Variants in LRMDA observed in about 807,000 individuals in gnomAD.
LRMDA encodes the protein leucine-rich melanocyte differentiation-associated protein.
Under a neutral mutation model 29.8 loss-of-function variants are expected in LRMDA, and 18 were observed. The observed-to-expected ratio is 0.60, with a 90% CI of 0.42 to 0.90. LRMDA has a LOEUF of 0.90. Ranked by LOEUF, LRMDA falls within the 40% of genes least tolerant of loss-of-function variation. LRMDA has a pLI of 0.00. For synonymous variants in LRMDA, 125 were observed against 109.4 expected (o/e 1.14, Z -0.89); for missense variants, 273 against 273.9 (o/e 1.00, Z 0.02).
intron 2 of LRMDA, among the ~76,000 whole-genome samples, chr10:75,807,422 A>C (rs1843873983): frequency 6.6e-6 from 1 of 152,218 alleles, no homozygotes; most frequent in Non-Finnish European, 1.5e-5. Context: ...AAAGGGTCTA[A>C]AATTCAGTGC....
intron 5 of LRMDA, among the ~76,000 whole-genome samples, chr10:76,117,610 A>G (rs1485126655): frequency 6.6e-6 from 1 of 152,246 alleles, no homozygotes; most frequent in Non-Finnish European, 1.5e-5. Context: ...GTGCTCCAAA[A>G]ACAGTCACTT....
At chr10:75,669,085 C>T (rs1841860251) in intron 2 of LRMDA, among the ~76,000 whole-genome samples, 1 of 152,208 alleles carries the variant, frequency 6.6e-6, no homozygotes, top group African/African-American at 2.4e-5. Context: ...CAGCTACCAG[C>T]ATTTTCCTCT....
At chr10:76,375,466 C>T (rs1841505010) in intron 6 of LRMDA, among the ~76,000 whole-genome samples, 1 of 152,172 alleles carries the variant, frequency 6.6e-6, no homozygotes, top group African/African-American at 2.4e-5. Context: ...AACCATTTTA[C>T]CTGCCAAAGA....
chr10:76,269,210 C>G (rs952663438), intron 5 of LRMDA, among the ~76,000 whole-genome samples: 7 of 152,040 alleles, frequency 4.6e-5, no homozygotes, highest in African/African-American at 1.7e-4. Context: ...GGTTATTATG[C>G]CAGCAATTCA....
At chr10:76,363,164 AGAAAGAAAGAAAG>A (rs1294041717) in intron 6 of LRMDA, among the ~76,000 whole-genome samples, 16 of 34,194 alleles carry the variant, frequency 4.7e-4, no homozygotes, top group African/African-American at 1.2e-3. Flanking sequence ...AAAGAAAGAA[AGAAAGAAAGAAAG>A]GAGGGAGGGA....
At chr10:75,764,882 A>G (rs1171502801) in intron 2 of LRMDA, among the ~76,000 whole-genome samples, 2 of 151,602 alleles carry the variant, frequency 1.3e-5, no homozygotes, top group African/African-American at 2.4e-5. Flanking sequence ...GGATCCTTCA[A>G]GGGTCCGGCT....
At chr10:76,238,558 G>A (rs1228518950) in intron 5 of LRMDA, among the ~76,000 whole-genome samples, 1 of 149,208 alleles carries the variant, frequency 6.7e-6, no homozygotes, top group Non-Finnish European at 1.5e-5. Flanking sequence ...TGTCCCATGT[G>A]GGCATGCAGG....
intron 2 of LRMDA, among the ~76,000 whole-genome samples, chr10:75,989,268 G>A (rs535882823): frequency 6.6e-6 from 1 of 152,354 alleles, no homozygotes; most frequent in East Asian, 1.9e-4. Context: ...AATTTATAAA[G>A]AGGATTAATG....
intron 2 of LRMDA, among the ~76,000 whole-genome samples, chr10:76,005,946 A>C (rs1847645387): frequency 6.6e-6 from 1 of 151,824 alleles, no homozygotes; most frequent in Non-Finnish European, 1.5e-5. Context: ...TAAATAAATA[A>C]ATAAATAAAT....
chr10:76,180,704 C>T (rs767068915), intron 5 of LRMDA, among the ~76,000 whole-genome samples: 4 of 152,134 alleles, frequency 2.6e-5, no homozygotes, highest in East Asian at 1.9e-4. Flanking sequence ...TCCCCTTTAC[C>T]CCTGGTTCCA....
At chr10:76,082,528 T>C (rs1282654155) in intron 5 of LRMDA, among the ~76,000 whole-genome samples, 1 of 152,080 alleles carries the variant, frequency 6.6e-6, no homozygotes, top group African/African-American at 2.4e-5. Context: ...CCATTAGATG[T>C]TTATTGCTCA....
chr10:76,332,807 C>T (rs1399845058), intron 6 of LRMDA, among the ~76,000 whole-genome samples: 1 of 152,120 alleles, frequency 6.6e-6, no homozygotes, highest in Non-Finnish European at 1.5e-5. Context: ...TCATTTAGTA[C>T]CTATTGTGTA....
intron 2 of LRMDA, among the ~76,000 whole-genome samples, chr10:75,884,271 GT>G (rs1564596294): frequency 0.016 from 2,474 of 150,302 alleles, 78 homozygotes; most frequent in African/African-American, 0.057. Context: ...GTGTGTGTGT[GT>G]GTGTGTGTGT....
chr10:76,252,964 G>T (rs113887483), intron 5 of LRMDA, among the ~76,000 whole-genome samples: 2 of 152,148 alleles, frequency 1.3e-5, no homozygotes, highest in East Asian at 1.9e-4. Flanking sequence ...ATTTCATCCC[G>T]CATCCCACCC....
intron 2 of LRMDA, among the ~76,000 whole-genome samples, chr10:75,728,139 A>G (rs1475491124): frequency 1.3e-5 from 2 of 152,238 alleles, no homozygotes; most frequent in African/African-American, 4.8e-5. Flanking sequence ...GAAGACACAC[A>G]GCCAGCCATC....
chr10:76,168,127 TA>T, intron 5 of LRMDA, among the ~76,000 whole-genome samples: 1 of 152,300 alleles, frequency 6.6e-6, no homozygotes, highest in South Asian at 2.1e-4. Flanking sequence ...AATTATACAT[TA>T]AGCCCTGAGC....
intron 2 of LRMDA, among the ~76,000 whole-genome samples, chr10:75,589,004 A>G (rs1289344968): frequency 2.0e-5 from 3 of 152,302 alleles, no homozygotes; most frequent in Admixed American, 6.5e-5. Flanking sequence ...TGTTTATTCA[A>G]TCCCTGTTGA....
chr10:76,104,572 C>T (rs1041830088), intron 5 of LRMDA, among the ~76,000 whole-genome samples: 10 of 151,634 alleles, frequency 6.6e-5, no homozygotes, highest in South Asian at 6.3e-4. Flanking sequence ...TGGGTCTCAC[C>T]GTGTGTCTTG....
chr10:75,909,834 C>T (rs1043470049), intron 2 of LRMDA, among the ~76,000 whole-genome samples: 2 of 152,174 alleles, frequency 1.3e-5, no homozygotes, highest in African/African-American at 4.8e-5. Flanking sequence ...CCATGTGTTA[C>T]AAACATATCA....
Sources: allele counts gnomAD v4.1 joint callset (sites outside exome capture counted in the v4.1 genomes callset), GRCh38; gene constraint gnomAD v4.1.1; transcripts MANE v1.5; gene names NCBI Gene and HGNC (gene_info 2026-07-23, HGNC 2026-07-21).